The following CADPS variants were observed in gnomAD, a reference collection of about 807,000 sequenced individuals.
CADPS encodes the protein calcium dependent secretion activator, also known as calcium-dependent secretion activator 1.
In CADPS, 57 loss-of-function variants were observed where a neutral mutation model predicts 167.3. That is an observed-to-expected ratio of 0.34 (90% confidence interval 0.28 to 0.42). CADPS has a LOEUF of 0.42. Ranked by LOEUF, CADPS falls within the 20% of genes least tolerant of loss-of-function variation. CADPS has a pLI of 1.00. For missense variants in CADPS, 1,414 were observed against 1,738.1 expected (o/e 0.81, Z 3.32); for synonymous variants, 676 against 635.3 (o/e 1.06, Z -0.96).
chr3:62,513,731 A>C (rs1229348453), intron 16 of CADPS: 4 of 1,514,848 alleles, frequency 2.6e-6, no homozygotes, highest in Non-Finnish European at 3.6e-6. Flanking sequence ...TTGGGCATGC[A>C]AGAGGCTTAG....
At chr3:62,563,656 T>G (rs1026876576) in intron 9 of CADPS, among the ~76,000 whole-genome samples, 5 of 152,194 alleles carry the variant, frequency 3.3e-5, no homozygotes, top group African/African-American at 1.2e-4. Flanking sequence ...CAGTATACAA[T>G]GAACCCAATT....
At chr3:62,407,949 G>A (rs1419552284) in intron 28 of CADPS, among the ~76,000 whole-genome samples, 1 of 152,138 alleles carries the variant, frequency 6.6e-6, no homozygotes, top group Non-Finnish European at 1.5e-5. Context: ...TGGCCAGGCT[G>A]GTCTTGAACC....
chr3:62,493,545 C>T (rs1413971058), intron 19 of CADPS, 100 bp downstream of exon 19: 5 of 875,924 alleles, frequency 5.7e-6, no homozygotes, highest in East Asian at 2.8e-5. Flanking sequence ...TGGCCAAGCT[C>T]TTCTGTGATC....
intron 13 of CADPS, 150 bp downstream of exon 13, chr3:62,532,721 G>T (rs1577322184): frequency 4.8e-5 from 1 of 20,696 alleles, no homozygotes; most frequent in Non-Finnish European, 1.2e-4. Context: ...TGCCCTTTGT[G>T]TGTGTGTGTG....
At chr3:62,629,843 T>C (rs931500855) in intron 6 of CADPS, among the ~76,000 whole-genome samples, 4 of 151,680 alleles carry the variant, frequency 2.6e-5, no homozygotes, top group Admixed American at 6.6e-5. Flanking sequence ...AAACTTGCTT[T>C]TTTTCTTCCT....
chr3:62,472,344 T>C (rs530929616), intron 24 of CADPS, among the ~76,000 whole-genome samples: 3 of 152,318 alleles, frequency 2.0e-5, no homozygotes, highest in Non-Finnish European at 2.9e-5. Flanking sequence ...ATTTTATGGG[T>C]ATGTGAATTA....
chr3:62,852,553 C>T (rs1225663539), intron 1 of CADPS, among the ~76,000 whole-genome samples: 2 of 152,064 alleles, frequency 1.3e-5, no homozygotes, highest in South Asian at 4.2e-4. Flanking sequence ...TACTTGGTCC[C>T]CTTTTAAAAT....
chr3:62,515,818 T>A (rs754754797), intron 16 of CADPS, among the ~76,000 whole-genome samples: 17 of 152,116 alleles, frequency 1.1e-4, no homozygotes, highest in African/African-American at 4.1e-4. Flanking sequence ...TCTGATAACA[T>A]CCTGTTTTCA....
At chr3:62,564,071 G>A (rs1289868143) in intron 9 of CADPS, among the ~76,000 whole-genome samples, 1 of 151,838 alleles carries the variant, frequency 6.6e-6, no homozygotes, top group African/African-American at 2.4e-5. Flanking sequence ...GCATGATCTC[G>A]GCTCACTGCA....
intron 1 of CADPS, among the ~76,000 whole-genome samples, chr3:62,853,118 C>A (rs758995573): frequency 1.3e-5 from 2 of 152,098 alleles, no homozygotes; most frequent in Non-Finnish European, 2.9e-5. Flanking sequence ...GAGCTGAATT[C>A]CTAAGTGAAC....
intron 1 of CADPS, among the ~76,000 whole-genome samples, chr3:62,767,433 A>T (rs1204052005): frequency 3.9e-5 from 6 of 152,238 alleles, no homozygotes; most frequent in African/African-American, 1.4e-4. Context: ...TGGGATAGTT[A>T]TAGCTATTCA....
intron 1 of CADPS, among the ~76,000 whole-genome samples, chr3:62,843,977 C>T (rs1018129980): frequency 6.6e-6 from 1 of 152,168 alleles, no homozygotes; most frequent in Non-Finnish European, 1.5e-5. Context: ...ATCCTTACCC[C>T]AAAATCTAGT....
At position 62,727,189 on chromosome 3, in the gene CADPS, T is replaced by C. The variant is rs1383871416; in HGVS notation, c.888+26252A>G. Reference sequence around the variant, plus strand: ...ACACCGAAGAGCATGTATAGGAGTATTTCAGAACAACTTTATTCATAGTAG... The same window carrying C: ...ACACCGAAGAGCATGTATAGGAGTACTTCAGAACAACTTTATTCATAGTAG... On this transcript the variant is annotated intron_variant, in intron 3 of 29. Coordinates refer to ENST00000383710, the MANE Select transcript of CADPS (RefSeq NM_003716.4). 2.0e-5 allele frequency among the ~76,000 whole-genome samples: 3 copies of C among 151,820 alleles called. 1 individual carries two copies. Among genetic ancestry groups the C allele is most frequent in the African/African-American group, 7.3e-5 (3 of 41,102 alleles).
intron 8 of CADPS, among the ~76,000 whole-genome samples, chr3:62,572,527 C>A (rs187388643): frequency 2.0e-5 from 3 of 152,146 alleles, no homozygotes; most frequent in Admixed American, 6.5e-5. Context: ...GTGCCTCCCC[C>A]CTACCCCCAC....
intron 3 of CADPS, among the ~76,000 whole-genome samples, chr3:62,669,415 A>G (rs1297255733): frequency 1.3e-5 from 2 of 152,174 alleles, no homozygotes; most frequent in African/African-American, 4.8e-5. Flanking sequence ...TCAGTTCCCA[A>G]CCAGGAGATG....
At chr3:62,408,979 A>T (rs1270683321) in intron 28 of CADPS, among the ~76,000 whole-genome samples, 1 of 152,252 alleles carries the variant, frequency 6.6e-6, no homozygotes, top group Non-Finnish European at 1.5e-5. Context: ...ACTCACGTGC[A>T]TGTACAATTC....
At chr3:62,655,641 T>C (rs921057960) in intron 4 of CADPS, among the ~76,000 whole-genome samples, 2 of 152,132 alleles carry the variant, frequency 1.3e-5, no homozygotes, top group African/African-American at 4.8e-5. Context: ...ATGGGGTATG[T>C]ATAAATGATG....
intron 3 of CADPS, among the ~76,000 whole-genome samples, chr3:62,734,869 C>G (rs1013625122): frequency 2.4e-4 from 36 of 152,238 alleles, no homozygotes; most frequent in African/African-American, 8.4e-4. Context: ...AGAAAACATC[C>G]AGTTGCTTCA....
intron 1 of CADPS, among the ~76,000 whole-genome samples, chr3:62,780,988 C>T (rs998560843): frequency 2.0e-5 from 3 of 152,032 alleles, no homozygotes; most frequent in Non-Finnish European, 4.4e-5. Flanking sequence ...TCTTAGGACT[C>T]GTACATTTAT....
Sources: gnomAD v4.1 joint callset for allele counts (sites outside exome capture counted in the v4.1 genomes callset) on GRCh38, gnomAD v4.1.1 for gene constraint, MANE v1.5 for transcripts, NCBI Gene and HGNC (gene_info 2026-07-23, HGNC 2026-07-21) for gene names.